The following MAST4 variants were observed in gnomAD, a reference collection of about 807,000 sequenced individuals.
The protein encoded by MAST4 is microtubule-associated serine/threonine-protein kinase 4.
In MAST4, 89 loss-of-function variants were observed where a neutral mutation model predicts 162.7. That is an observed-to-expected ratio of 0.55 (90% CI 0.46 to 0.65). MAST4 has a LOEUF of 0.65. Among genes scored for constraint, MAST4 ranks in the 30% least tolerant of loss-of-function variants. The probability of loss-of-function intolerance (pLI) is 0.00; values close to 1 mark genes in which losing one functional copy is unlikely to be tolerated. For synonymous variants in MAST4, 1,479 were observed against 1,361.1 expected, an observed-to-expected ratio of 1.09 and a Z score of -1.91; for missense variants, 3,153 against 3,374.0, an observed-to-expected ratio of 0.93 and a Z score of 1.62.
intron 1 of MAST4, among the ~76,000 whole-genome samples, chr5:66,672,805 G>T (rs1035006153): frequency 3.3e-5 from 5 of 152,128 alleles, no homozygotes; most frequent in African/African-American, 7.2e-5. Flanking sequence ...ATACCCAGGG[G>T]CAGGGCTGTT....
At chr5:66,856,016 T>C (rs1217509356) in intron 3 of MAST4, among the ~76,000 whole-genome samples, 1 of 152,012 alleles carries the variant, frequency 6.6e-6, no homozygotes, top group Non-Finnish European at 1.5e-5. Flanking sequence ...TATTAAAAAT[T>C]AGCCAGGTGT....
intron 1 of MAST4, among the ~76,000 whole-genome samples, chr5:66,631,813 T>G (rs1417607751): frequency 6.6e-6 from 1 of 152,132 alleles, no homozygotes; most frequent in African/African-American, 2.4e-5. Context: ...AAGAAACCTA[T>G]GAAGTAGATA....
chr5:66,785,757 A>C (rs776607071), intron 2 of MAST4, among the ~76,000 whole-genome samples: 23 of 152,232 alleles, frequency 1.5e-4, no homozygotes, highest in Non-Finnish European at 2.2e-4. Context: ...AGCATTTACT[A>C]AGTGCCAGGC....
intron 4 of MAST4, among the ~76,000 whole-genome samples, chr5:66,933,641 A>G (rs939539823): frequency 6.6e-6 from 1 of 152,076 alleles, no homozygotes; most frequent in African/African-American, 2.4e-5. Context: ...TGGTACTGTG[A>G]TCTGCCTGAC....
At chr5:66,971,533 T>C (rs1402135910) in intron 4 of MAST4, among the ~76,000 whole-genome samples, 4 of 152,234 alleles carry the variant, frequency 2.6e-5, no homozygotes, top group African/African-American at 9.6e-5. Flanking sequence ...TTCTTGATAC[T>C]ATCTACTCTT....
At chr5:66,833,279 C>G (rs1757740617) in intron 3 of MAST4, among the ~76,000 whole-genome samples, 1 of 152,168 alleles carries the variant, frequency 6.6e-6, no homozygotes, top group African/African-American at 2.4e-5. Flanking sequence ...TTCTCCATCT[C>G]TTGACTCCTG....
intron 16 of MAST4, among the ~76,000 whole-genome samples, chr5:67,132,921 A>C: frequency 6.6e-6 from 1 of 152,084 alleles, no homozygotes; most frequent in Non-Finnish European, 1.5e-5. Flanking sequence ...TATTCTTTTA[A>C]TTTTTAAATT....
At chr5:66,748,436 C>CCTCCCTCTCTCCCTCCCTCCCTCT (rs1561302726) in intron 1 of MAST4, among the ~76,000 whole-genome samples, 1 of 5,404 alleles carries the variant, frequency 1.9e-4, no homozygotes, top group Non-Finnish European at 3.0e-4. Context: ...TCCCTCCCTC[C>CCTCCCTCTCTCCCTCCCTCCCTCT]CTCCCTCTCT....
chr5:66,988,448 T>C (rs987654597), intron 4 of MAST4, among the ~76,000 whole-genome samples: 2 of 152,206 alleles, frequency 1.3e-5, no homozygotes, highest in Non-Finnish European at 2.9e-5. Flanking sequence ...AGAACTATTT[T>C]ATCTGTTAGT....
intron 4 of MAST4, among the ~76,000 whole-genome samples, chr5:67,040,609 T>C (rs912476396): frequency 6.6e-6 from 1 of 152,144 alleles, no homozygotes; most frequent in Non-Finnish European, 1.5e-5. Context: ...GATGTAAAGC[T>C]CCATAGCTTG....
chr5:66,620,047 C>CTTT (rs200969306), intron 1 of MAST4, among the ~76,000 whole-genome samples: 2 of 133,846 alleles, frequency 1.5e-5, no homozygotes, highest in Non-Finnish European at 3.2e-5. Context: ...ACTTAGGTTG[C>CTTT]TTTTTTTTTT....
chr5:66,864,373 C>A (rs1267348046), intron 3 of MAST4, among the ~76,000 whole-genome samples: 1 of 151,976 alleles, frequency 6.6e-6, no homozygotes, highest in African/African-American at 2.4e-5. Context: ...GGTTTGGGAA[C>A]AGCGCAAAGA....
At chr5:66,850,999 G>T (rs1046020103) in intron 3 of MAST4, among the ~76,000 whole-genome samples, 1 of 149,408 alleles carries the variant, frequency 6.7e-6, no homozygotes, top group Non-Finnish European at 1.5e-5. Flanking sequence ...TGGAGAGAGG[G>T]TTTCTCCTGC....
chr5:67,118,734 A>G lies in MAST4; in HGVS notation c.1644A>G (p.Thr548=), dbSNP rs1438954206. The G allele has an allele frequency of 6.4e-7, 1 of 1,567,886 alleles. No individual in the cohort carries two copies. The highest frequency in any genetic ancestry group is 1.2e-5 in the South Asian group (1 of 85,820). ...YDSGTAETPE[T]DESVSSSNAS... The stretch of plus-strand genomic sequence containing the variant: ...GTGGGACAGCAGAAACACCAGAAAC[A>G]GATGAATCAGTGAGTGTAAGTATAT... The change falls in exon 13 of 29, where the codon ACA becomes ACG. Residue 548 remains threonine (T), a synonymous_variant. Coordinates refer to ENST00000403625, the MANE Select transcript of MAST4 (RefSeq NM_001164664.2).
At chr5:66,608,096 TGCCCAC>T (rs370670841) in intron 1 of MAST4, among the ~76,000 whole-genome samples, 3 of 151,338 alleles carry the variant, frequency 2.0e-5, no homozygotes, top group Non-Finnish European at 4.4e-5. Context: ...GAGTCTCTGT[TGCCCAC>T]GCTGGAGTGC....
chr5:66,834,511 A>G (rs570432340), intron 3 of MAST4, among the ~76,000 whole-genome samples: 6 of 152,206 alleles, frequency 3.9e-5, no homozygotes, highest in Non-Finnish European at 8.8e-5. Context: ...TCCGGGGCCC[A>G]GCATGGGGTG....
intron 3 of MAST4, among the ~76,000 whole-genome samples, chr5:66,803,183 A>C (rs748965904): frequency 6.6e-6 from 1 of 152,160 alleles, no homozygotes; most frequent in East Asian, 1.9e-4. Flanking sequence ...GCAGATTTCT[A>C]AGTATTGGGT....
At chr5:66,969,502 G>A (rs905016448) in intron 4 of MAST4, among the ~76,000 whole-genome samples, 2 of 152,164 alleles carry the variant, frequency 1.3e-5, no homozygotes, top group African/African-American at 2.4e-5. Context: ...AGCATATGGT[G>A]GTCCTAAGAG....
intron 3 of MAST4, among the ~76,000 whole-genome samples, chr5:66,863,460 G>T (rs1760258941): frequency 6.6e-6 from 1 of 152,168 alleles, no homozygotes; most frequent in South Asian, 2.1e-4. Context: ...TCCGGCTTCG[G>T]TCTGACCTCC....
Sources: gnomAD v4.1 joint callset for allele counts (sites outside exome capture counted in the v4.1 genomes callset) on GRCh38, gnomAD v4.1.1 for gene constraint, MANE v1.5 for transcripts, NCBI Gene and HGNC (gene_info 2026-07-23, HGNC 2026-07-21) for gene names.